Variants in GDI2 observed in about 807,000 individuals in gnomAD.
GDI2 encodes the protein GDP dissociation inhibitor 2.
Under a neutral mutation model 54.2 loss-of-function variants are expected in GDI2, and 22 were observed. The observed-to-expected ratio is 0.41, with a 90% CI of 0.29 to 0.58. The LOEUF is 0.58. Ranked by LOEUF, GDI2 falls within the 20% of genes least tolerant of loss-of-function variation. GDI2 has a pLI of 0.35. For missense variants in GDI2, 422 were observed against 546.0 expected, an observed-to-expected ratio of 0.77 and a Z score of 2.26; for synonymous variants, 177 against 182.1, an observed-to-expected ratio of 0.97 and a Z score of 0.23.
Position 5,766,291 on chromosome 10 carries a change from C to T in GDI2, c.1141G>A (p.Val381Ile). The change falls in exon 10 of 11, where the codon GTT becomes ATT. Residue 381 changes from valine to isoleucine, a missense_variant. Transcript: ENST00000380191. This position sits in a 1 kb window ranked among gnomAD's most constrained non-coding sequence, Gnocchi z 5.8. Reference protein sequence around the residue: ...ELLEPIEQKFVSISDLLVPKD... With the variant: ...ELLEPIEQKFISISDLLVPKD... Reference sequence around the variant, plus strand: ...GGTACCAGGAGGTCACTGATGCTAACAAATCTGGAGGGAGAGAGAATTCAG... The same window carrying T: ...GGTACCAGGAGGTCACTGATGCTAATAAATCTGGAGGGAGAGAGAATTCAG... 1 of 1,612,692 alleles carries T rather than the reference C, an allele frequency of 6.2e-7. No homozygotes were observed. Among genetic ancestry groups the T allele is most frequent in the Non-Finnish European group, 8.5e-7 (1 of 1,178,696 alleles).
In GDI2 at chr10:5,785,253, T is replaced by C. The variant is rs1312054264; in HGVS notation, c.608A>G (p.Tyr203Cys). 3.7e-6 allele frequency: 6 copies of C among 1,602,500 alleles called. No individual in the cohort carries two copies. In the East Asian group the frequency reaches 1.1e-4, roughly 30 times the overall value. ...RTDDYLDQPC[Y>C]ETINRIKLYS... ...AAGTTTAATTCTATTAATGGTTTCATAACACGGTTGATCTAAGTAACTGGA... is the reference window on the plus strand; with the variant it reads ...AAGTTTAATTCTATTAATGGTTTCACAACACGGTTGATCTAAGTAACTGGA... The change falls in exon 6 of 11, where the codon TAT (tyrosine) becomes TGT (cysteine). Residue 203 changes from tyrosine (Y) to cysteine (C), a missense_variant. Physicochemically the swap from Tyr to Cys is radical, Grantham distance 194. Coordinates refer to ENST00000380191, the MANE Select transcript of GDI2 (RefSeq NM_001494.4).
rs1025169651 is a variant in GDI2 at position 5,813,427 on chromosome 10, G to A, written c.-169C>T. Reference sequence around the variant, plus strand: ...CCGACCGCCACCTCAGACGGGAAGAGAAGAACTGGGCGGGGAGAGGAGGGG... The same window carrying A: ...CCGACCGCCACCTCAGACGGGAAGAAAAGAACTGGGCGGGGAGAGGAGGGG... On this transcript the variant is annotated 5_prime_UTR_variant, in exon 1 of 11. Transcript: ENST00000380191. The A allele has an allele frequency of 9.7e-6, 3 of 310,304 alleles. No homozygotes were observed. The highest frequency in any genetic ancestry group is 1.2e-5 in the Non-Finnish European group (2 of 160,254). The allele number at this position is 310,304 out of a possible 1,614,324, so 19.2% of individuals were successfully genotyped here. A position where few individuals can be genotyped will look rare whatever the true frequency, so the allele number is the denominator to read the frequency against.
intron 4 of GDI2, among the ~76,000 whole-genome samples, chr10:5,786,621 A>C (rs1308107965): frequency 1.3e-5 from 2 of 152,164 alleles, no homozygotes; most frequent in Non-Finnish European, 2.9e-5. Flanking sequence ...TGAATGAAAA[A>C]TGTCAAATTA....
Position 5,795,013 on chromosome 10 carries a change from A to T in GDI2, c.260T>A (p.Leu87Gln). The change falls in exon 4 of 11, where the codon CTG (leucine) becomes CAG (glutamine). Residue 87 changes from leucine to glutamine, a missense_variant. Transcript: ENST00000380191. ...IPKFLMANGQ[L>Q]VKMLLYTEVT... Reference sequence around the variant, plus strand: ...CTCTGTATAAAGCAGCATCTTAACCAGCTGACCTAGAAAAGTCACATAATT... The same window carrying T: ...CTCTGTATAAAGCAGCATCTTAACCTGCTGACCTAGAAAAGTCACATAATT... The T allele has an allele frequency of 6.3e-7, 1 of 1,579,744 alleles. No individual in the cohort carries two copies. The highest frequency in any genetic ancestry group is 8.7e-7 in the Non-Finnish European group (1 of 1,150,138).
Position 5,782,059 on chromosome 10 carries a change from T to G in GDI2, c.719+3083A>C, listed in dbSNP as rs545330548. On this transcript the variant is annotated intron_variant, in intron 6 of 10. Coordinates refer to ENST00000380191, the MANE Select transcript of GDI2 (RefSeq NM_001494.4). ...GCTTATCAAAAGACCAGCCATAAAC[T>G]GGGAGAAAATATTCTTAATACATAT... 8.5e-5 allele frequency among the ~76,000 whole-genome samples: 13 copies of G among 152,186 alleles called. No individual in the cohort carries two copies. The East Asian group carries it at 2.5e-3, about 29-fold the overall frequency.
At chr10:5,805,387 G>C (rs1841355621) in intron 1 of GDI2, among the ~76,000 whole-genome samples, 1 of 142,394 alleles carries the variant, frequency 7.0e-6, no homozygotes, top group East Asian at 2.2e-4. Context: ...AAAAAAAAAA[G>C]GTTGGCAGGA....
At chr10:5,790,515 C>A (rs1042036303) in intron 4 of GDI2, among the ~76,000 whole-genome samples, 4 of 151,976 alleles carry the variant, frequency 2.6e-5, no homozygotes, top group Non-Finnish European at 4.4e-5. Context: ...TGTGGTGGTG[C>A]ATGCCTGTTA....
intron 6 of GDI2, among the ~76,000 whole-genome samples, chr10:5,781,173 TA>T (rs56401510): frequency 9.6e-4 from 129 of 133,872 alleles, no homozygotes; most frequent in Admixed American, 9.9e-4. Flanking sequence ...TATTCGTATG[TA>T]AAAAAAAAAA....
rs541961739 is a variant in GDI2 at position 5,767,176 on chromosome 10, G to A, written c.992-538C>T. Among the ~76,000 whole-genome samples the A allele has an allele frequency of 1.6e-3, 244 of 151,302 alleles. 3 individuals are homozygous for A. Among genetic ancestry groups the A allele is most frequent in the African/African-American group, 5.8e-3 (239 of 41,296 alleles). ...TCCAGGATAGAAAATCATTTGGATA[G>A]GAGAGCATTTAAAGGCCAAAAAAAA... On this transcript the variant is annotated intron_variant, in intron 8 of 10. Coordinates refer to ENST00000380191, the MANE Select transcript of GDI2 (RefSeq NM_001494.4).
chr10:5,766,131 C>T lies in GDI2; in HGVS notation c.1213G>A (p.Asp405Asn). 6.2e-7 allele frequency: 1 copy of T among 1,613,550 alleles called. No individual in the cohort carries two copies. The highest frequency in any genetic ancestry group is 8.5e-7 in the Non-Finnish European group (1 of 1,179,512). ...GTTGTCTCAAAATGAGTGGTGGCAT[C>T]ATATGTGCGGGAAATAAAGATCTGA... ...ESQIFISRTY[D>N]ATTHFETTCD... The change falls in exon 11 of 11, where the codon GAT becomes AAT. Residue 405 changes from aspartate (D) to asparagine (N), a missense_variant. Physicochemically the swap from Asp to Asn is conservative, Grantham distance 23. Transcript: ENST00000380191. The surrounding 1 kb of genome is among the most constrained non-coding windows in gnomAD (Gnocchi z 5.8).
chr10:5,768,080 GATTT>G lies in GDI2; in HGVS notation c.991+129_991+132del. ...CTGCCGGAGCAGGAGGAGGTACAAAGATTTTTTTCCCCCATATGTAAACCAAGGT... is the reference window on the plus strand; with the variant it reads ...CTGCCGGAGCAGGAGGAGGTACAAAGTTTTCCCCCATATGTAAACCAAGGT... On this transcript the variant is annotated intron_variant, in intron 8 of 10. Transcript: ENST00000380191. This position sits in a 1 kb window ranked among gnomAD's most constrained non-coding sequence, Gnocchi z 4.4. The G allele has an allele frequency of 1.6e-6, 1 of 642,168 alleles. No individual in the cohort carries two copies. The allele number at this position is 642,168 out of a possible 1,614,324, so 39.8% of individuals were successfully genotyped here. A position where few individuals can be genotyped will look rare whatever the true frequency, so the allele number is the denominator to read the frequency against.
chr10:5,784,123 T>G (rs1427568498), intron 6 of GDI2, among the ~76,000 whole-genome samples: 1 of 152,202 alleles, frequency 6.6e-6, no homozygotes, highest in Non-Finnish European at 1.5e-5. Context: ...CTGCGTTCAT[T>G]TTTTTAAATT....
intron 4 of GDI2, among the ~76,000 whole-genome samples, chr10:5,794,280 C>G (rs1417998748): frequency 8.0e-6 from 1 of 125,710 alleles, no homozygotes; most frequent in Admixed American, 9.0e-5. Flanking sequence ...GAATTACTAA[C>G]AAGACCAATT....
chr10:5,781,980 T>C (rs1840767680), intron 6 of GDI2, among the ~76,000 whole-genome samples: 1 of 152,146 alleles, frequency 6.6e-6, no homozygotes, highest in African/African-American at 2.4e-5. Context: ...GCCAGTGCAG[T>C]CTAGCCTGGG....
In GDI2 at chr10:5,768,207, C is replaced by G; in HGVS notation, c.991+6G>C. 1 of 1,610,472 alleles carries G rather than the reference C, an allele frequency of 6.2e-7. No individual in the cohort carries two copies. Among genetic ancestry groups the G allele is most frequent in the Non-Finnish European group, 8.5e-7 (1 of 1,176,976 alleles). On this transcript the variant is annotated splice_donor_region_variant and intron_variant, in intron 8 of 10. Coordinates refer to ENST00000380191, the MANE Select transcript of GDI2 (RefSeq NM_001494.4). The surrounding 1 kb of genome is among the most constrained non-coding windows in gnomAD (Gnocchi z 4.4). Reference sequence around the variant, plus strand: ...CTACCAACATCTGCTGGTCTTCAAACCTCACCTGACTTTCGATTGACTTGG... The same window carrying G: ...CTACCAACATCTGCTGGTCTTCAAAGCTCACCTGACTTTCGATTGACTTGG...
chr10:5,796,809 T>G lies in GDI2; in HGVS notation c.207A>C (p.Gly69=). The change falls in exon 3 of 11, where the codon GGA becomes GGC. Residue 69 remains glycine (G), a synonymous_variant. Coordinates refer to ENST00000380191, the MANE Select transcript of GDI2 (RefSeq NM_001494.4). The part of the protein sequence containing the change: ...PGSPPESMGR[G]RDWNVDLIPK... ...GAATCAAGTCAACATTCCAGTCTCTTCCTCTCCCCATTGACTCGGGTGGTG... is the reference window on the plus strand; with the variant it reads ...GAATCAAGTCAACATTCCAGTCTCTGCCTCTCCCCATTGACTCGGGTGGTG... The G allele has an allele frequency of 3.1e-6, 5 of 1,595,026 alleles. No homozygotes were observed. Among genetic ancestry groups the G allele is most frequent in the Non-Finnish European group, 4.3e-6 (5 of 1,163,116 alleles).
At chr10:5,782,789 C>A (rs560782203) in intron 6 of GDI2, among the ~76,000 whole-genome samples, 11 of 152,048 alleles carry the variant, frequency 7.2e-5, no homozygotes, top group Non-Finnish European at 1.5e-4. Context: ...AAAAATTAGC[C>A]GGATGTGGTG....
At chr10:5,777,909 G>C (rs1291719172) in intron 6 of GDI2, among the ~76,000 whole-genome samples, 1 of 152,150 alleles carries the variant, frequency 6.6e-6, no homozygotes, top group Admixed American at 6.5e-5. Context: ...TGGTAGACGG[G>C]ATAAAGAAAA....
rs1840404358 is a variant in GDI2, at chr10:5,768,207, C to T, written c.991+6G>A. The T allele has an allele frequency of 2.5e-6, 4 of 1,610,354 alleles. No homozygotes were observed. The highest frequency in any genetic ancestry group is 2.5e-6 in the Non-Finnish European group (3 of 1,176,984). On this transcript the variant is annotated splice_donor_region_variant and intron_variant, in intron 8 of 10. Transcript: ENST00000380191. The surrounding 1 kb of genome is among the most constrained non-coding windows in gnomAD (Gnocchi z 4.4). ...CTACCAACATCTGCTGGTCTTCAAACCTCACCTGACTTTCGATTGACTTGG... is the reference window on the plus strand; with the variant it reads ...CTACCAACATCTGCTGGTCTTCAAATCTCACCTGACTTTCGATTGACTTGG...
Sources: gnomAD v4.1 joint callset for allele counts (sites outside exome capture counted in the v4.1 genomes callset) on GRCh38, gnomAD v4.1.1 for gene constraint, Gnocchi (gnomAD v3.1) non-coding constraint, MANE v1.5 for transcripts, NCBI Gene and HGNC (gene_info 2026-07-23, HGNC 2026-07-21) for gene names.